ADAMTSL1: variants seen among roughly 807,000 people sequenced by gnomAD.
ADAMTSL1 encodes ADAMTS like 1, also known as ADAMTS-like protein 1.
A neutral mutation model predicts 201.8 loss-of-function variants in ADAMTSL1; 126 were observed. That is an observed-to-expected ratio of 0.62 (90% CI 0.54 to 0.72). The LOEUF (loss-of-function observed/expected upper bound fraction) is 0.72, where lower values mean the gene tolerates loss of function less well. Ranked by LOEUF, ADAMTSL1 falls within the 30% of genes least tolerant of loss-of-function variation. The pLI is 0.00. For synonymous variants in ADAMTSL1, 1,121 were observed against 903.4 expected, an observed-to-expected ratio of 1.24 and a Z score of -4.32; for missense variants, 2,679 against 2,277.8, an observed-to-expected ratio of 1.18 and a Z score of -3.59.
chr9:18,145,368 A>T (rs1275535134), intron 1 of ADAMTSL1, among the ~76,000 whole-genome samples: 1 of 152,156 alleles, frequency 6.6e-6, no homozygotes, highest in Non-Finnish European at 1.5e-5. Flanking sequence ...GCTGATCCTC[A>T]GTTTCTTGCG....
chr9:18,165,563 C>T (rs1044673843), intron 2 of ADAMTSL1, among the ~76,000 whole-genome samples: 1 of 151,790 alleles, frequency 6.6e-6, no homozygotes, highest in Non-Finnish European at 1.5e-5. Context: ...TTATAATTAG[C>T]TTACTCATAG....
At chr9:18,631,078 G>A (rs776774402) in intron 5 of ADAMTSL1, among the ~76,000 whole-genome samples, 2 of 152,192 alleles carry the variant, frequency 1.3e-5, no homozygotes, top group Non-Finnish European at 1.5e-5. Context: ...AGATACTACT[G>A]ATTGTGAGAT....
intron 1 of ADAMTSL1, among the ~76,000 whole-genome samples, chr9:17,939,787 C>T (rs1188291165): frequency 3.3e-5 from 5 of 152,060 alleles, no homozygotes; most frequent in Admixed American, 1.3e-4. Context: ...TTGCAAAGTA[C>T]ATAATCTGAG....
Position 18,574,078 on chromosome 9 carries a change from C to G in ADAMTSL1, c.286C>G (p.His96Asp). 1 of 1,614,136 alleles carries G rather than the reference C, an allele frequency of 6.2e-7. No homozygotes were observed. The highest frequency in any genetic ancestry group is 8.5e-7 in the Non-Finnish European group (1 of 1,180,022). The stretch of plus-strand genomic sequence containing the variant: ...TTTCCGAGCTCAGCAATGCTCAGCT[C>G]ATAATGATGTCAAGCACCATGGCCA... Reference protein sequence around the residue: ...GDFRAQQCSAHNDVKHHGQFY... With the variant: ...GDFRAQQCSADNDVKHHGQFY... The change falls in exon 4 of 29, where the codon CAT becomes GAT. Residue 96 changes from histidine (H) to aspartate (D), a missense_variant. By Grantham distance (81) the His-to-Asp change is moderately conservative (BLOSUM62 -1). Transcript: ENST00000380548.
chr9:18,850,355 C>A (rs990062634), intron 23 of ADAMTSL1, among the ~76,000 whole-genome samples: 1 of 152,228 alleles, frequency 6.6e-6, no homozygotes, highest in Non-Finnish European at 1.5e-5. Context: ...AATCCTTCCT[C>A]AGCCCTGAAA....
intron 2 of ADAMTSL1, among the ~76,000 whole-genome samples, chr9:18,207,061 A>C (rs1341380520): frequency 6.6e-6 from 1 of 152,088 alleles, no homozygotes; most frequent in African/African-American, 2.4e-5. Context: ...GCTACTCAGG[A>C]GGCTCAGGTA....
intron 1 of ADAMTSL1, among the ~76,000 whole-genome samples, chr9:18,042,056 T>C (rs1821447916): frequency 6.6e-6 from 1 of 150,888 alleles, no homozygotes; most frequent in African/African-American, 2.4e-5. Flanking sequence ...AGTGCCAAAA[T>C]TTCTACCCTT....
intron 2 of ADAMTSL1, among the ~76,000 whole-genome samples, chr9:18,346,300 G>C (rs74811513): frequency 2.7e-5 from 4 of 146,210 alleles, no homozygotes; most frequent in East Asian, 4.2e-4. Context: ...CATCCAGCTA[G>C]TTCAGCGTCA....
intron 2 of ADAMTSL1, among the ~76,000 whole-genome samples, chr9:18,395,004 G>A (rs1037080847): frequency 1.6e-4 from 24 of 152,126 alleles, no homozygotes; most frequent in African/African-American, 5.3e-4. Flanking sequence ...TGGAAACCTT[G>A]GTTTAAGCAA....
chr9:18,713,933 G>C (rs915266712), intron 14 of ADAMTSL1, among the ~76,000 whole-genome samples: 4 of 149,446 alleles, frequency 2.7e-5, no homozygotes, highest in African/African-American at 9.8e-5. Flanking sequence ...CTAGAACTCA[G>C]GATTAAGAAT....
intron 16 of ADAMTSL1, among the ~76,000 whole-genome samples, chr9:18,766,284 G>A (rs554113068): frequency 3.3e-5 from 5 of 152,286 alleles, no homozygotes; most frequent in Middle Eastern, 3.4e-3. Flanking sequence ...AATCTGTAGC[G>A]GTTTGCAGGG....
intron 2 of ADAMTSL1, among the ~76,000 whole-genome samples, chr9:18,432,506 C>T (rs1350057948): frequency 1.3e-5 from 2 of 152,182 alleles, no homozygotes; most frequent in Non-Finnish European, 2.9e-5. Context: ...ATAAAACCCA[C>T]ATTCTGAATC....
At chr9:18,663,683 T>C (rs1331873541) in intron 9 of ADAMTSL1, among the ~76,000 whole-genome samples, 1 of 151,912 alleles carries the variant, frequency 6.6e-6, no homozygotes, top group Non-Finnish European at 1.5e-5. Flanking sequence ...AAATGACAAT[T>C]TCACTTCCCA....
intron 2 of ADAMTSL1, among the ~76,000 whole-genome samples, chr9:18,441,931 A>T (rs559272921): frequency 6.6e-6 from 1 of 152,348 alleles, no homozygotes; most frequent in Non-Finnish European, 1.5e-5. Context: ...ATGTTGTAAT[A>T]ATAATAATTT....
chr9:18,426,744 A>AT (rs926849578), intron 2 of ADAMTSL1, among the ~76,000 whole-genome samples: 4 of 152,090 alleles, frequency 2.6e-5, no homozygotes, highest in African/African-American at 9.7e-5. Flanking sequence ...CCCAGAGATA[A>AT]TTTTTTACTT....
At chr9:18,433,100 A>G (rs1819569151) in intron 2 of ADAMTSL1, among the ~76,000 whole-genome samples, 1 of 152,158 alleles carries the variant, frequency 6.6e-6, no homozygotes, top group African/African-American at 2.4e-5. Context: ...TTTAAAAAGA[A>G]TGGGGAAGTA....
At chr9:18,322,976 A>T (rs2132862767) in intron 2 of ADAMTSL1, among the ~76,000 whole-genome samples, 1 of 152,346 alleles carries the variant, frequency 6.6e-6, no homozygotes, top group African/African-American at 2.4e-5. Context: ...GGAAGAGCTA[A>T]TACCAATCTT....
At chr9:17,968,368 T>A (rs1273895026) in intron 1 of ADAMTSL1, among the ~76,000 whole-genome samples, 1 of 152,116 alleles carries the variant, frequency 6.6e-6, no homozygotes, top group Non-Finnish European at 1.5e-5. Context: ...GAGGGAATAG[T>A]ATGAGAACAG....
At chr9:18,630,434 C>T (rs1294271731) in intron 5 of ADAMTSL1, among the ~76,000 whole-genome samples, 1 of 152,140 alleles carries the variant, frequency 6.6e-6, no homozygotes, top group African/African-American at 2.4e-5. Flanking sequence ...CTTGGGTGTC[C>T]AGAGTTGTCC....
Sources: allele counts gnomAD v4.1 joint callset (sites outside exome capture counted in the v4.1 genomes callset), GRCh38; gene constraint gnomAD v4.1.1; transcripts MANE v1.5; gene names NCBI Gene and HGNC (gene_info 2026-07-23, HGNC 2026-07-21).